The following DLGAP4 variants were observed in gnomAD, a reference collection of about 807,000 sequenced individuals.
DLGAP4 encodes the protein disks large-associated protein 4.
A neutral mutation model predicts 86.9 loss-of-function variants in DLGAP4; 18 were observed. That is an observed-to-expected ratio of 0.21 (90% CI 0.14 to 0.31). The LOEUF is 0.31. Ranked by LOEUF, DLGAP4 falls within the 10% of genes least tolerant of loss-of-function variation. The pLI, the probability that DLGAP4 is intolerant of heterozygous loss-of-function variation, is 1.00. For synonymous variants in DLGAP4, 548 were observed against 574.3 expected (o/e 0.95, Z 0.65); for missense variants, 1,085 against 1,362.6 (o/e 0.80, Z 3.21).
At chr20:36,435,551 C>T (rs986685946) in intron 3 of DLGAP4, among the ~76,000 whole-genome samples, 1 of 152,220 alleles carries the variant, frequency 6.6e-6, no homozygotes, top group Non-Finnish European at 1.5e-5. Flanking sequence ...CATGTGGCTA[C>T]CTGACCCGGG....
chr20:36,441,577 G>C (rs1219787508), intron 5 of DLGAP4, among the ~76,000 whole-genome samples: 3 of 152,216 alleles, frequency 2.0e-5, no homozygotes, highest in African/African-American at 7.2e-5. Context: ...AGGCCTTGCT[G>C]TCTTGTTCCC....
At chr20:36,499,276 A>G in intron 8 of DLGAP4, 1 of 1,612,754 alleles carries the variant, frequency 6.2e-7, no homozygotes, top group Non-Finnish European at 8.5e-7. Context: ...CACCTCTCGG[A>G]GGACAACGGA....
chr20:36,399,353 C>A (rs1291185522), intron 2 of DLGAP4, among the ~76,000 whole-genome samples: 1 of 152,228 alleles, frequency 6.6e-6, no homozygotes, highest in Admixed American at 6.5e-5. Flanking sequence ...ACCCGAAGAG[C>A]CTTGGTTTCC....
At chr20:36,379,823 G>T (rs1012099938) in intron 2 of DLGAP4, among the ~76,000 whole-genome samples, 3 of 152,174 alleles carry the variant, frequency 2.0e-5, no homozygotes, top group African/African-American at 4.8e-5. Flanking sequence ...AGTTGAAATT[G>T]CATTTAGCTG....
intron 10 of DLGAP4, among the ~76,000 whole-genome samples, chr20:36,501,849 G>C (rs561278468): frequency 1.3e-5 from 2 of 152,300 alleles, no homozygotes; most frequent in East Asian, 3.9e-4. Flanking sequence ...CAGGGGAACT[G>C]TTGTGAGGAA....
chr20:36,518,591 T>G (rs1373919723), intron 10 of DLGAP4, among the ~76,000 whole-genome samples: 1 of 152,184 alleles, frequency 6.6e-6, no homozygotes, highest in Non-Finnish European at 1.5e-5. Flanking sequence ...CTTTGACGAC[T>G]GGGTTATTTA....
Position 36,521,380 on chromosome 20 carries a change from G to A in DLGAP4, c.2513-2870G>A, listed in dbSNP as rs139228939. On this transcript the variant is annotated intron_variant, in intron 10 of 12. Coordinates refer to ENST00000339266, the MANE Select transcript of DLGAP4 (RefSeq NM_001365621.2). ...AGTAGTTTTTCTTTTTTATTACTTA[G>A]TCCCTACTTCTGTTTCTAAAAAGAT... 7.2e-3 allele frequency among the ~76,000 whole-genome samples: 1,088 copies of A among 151,816 alleles called. 4 individuals carry two copies. Among genetic ancestry groups the A allele is most frequent in the Non-Finnish European group, 0.012 (798 of 67,966 alleles).
chr20:36,317,736 G>A (rs1416996013), intron 1 of DLGAP4, among the ~76,000 whole-genome samples: 4 of 151,726 alleles, frequency 2.6e-5, no homozygotes, highest in Non-Finnish European at 5.9e-5. Flanking sequence ...TTTTGTGGGC[G>A]TGAGCCACCG....
intron 1 of DLGAP4, among the ~76,000 whole-genome samples, chr20:36,309,003 C>G (rs1436993814): frequency 6.6e-6 from 1 of 151,976 alleles, no homozygotes; most frequent in African/African-American, 2.4e-5. Context: ...CTCCCCACCC[C>G]CTCCCTCTTT....
rs141834594 is a variant in DLGAP4 at position 36,327,516 on chromosome 20, C to G, written c.-304+21004C>G. Among the ~76,000 whole-genome samples, 617 of 152,206 alleles carry G rather than the reference C, an allele frequency of 4.1e-3. 4 individuals carry two copies. The highest frequency in any genetic ancestry group is 7.0e-3 in the Non-Finnish European group (476 of 68,006). ...GCCACTCTTGACTCAGTTTCTCTAT[C>G]CATCTGCTAGGCCGAGGGATACCTG... On this transcript the variant is annotated intron_variant, in intron 1 of 12. Coordinates refer to ENST00000339266, the MANE Select transcript of DLGAP4 (RefSeq NM_001365621.2).
chr20:36,525,253 A>AAAAAAAAAAAC, intron 11 of DLGAP4, among the ~76,000 whole-genome samples: 1 of 59,546 alleles, frequency 1.7e-5, no homozygotes, highest in Admixed American at 2.0e-4. Flanking sequence ...AAAAAAAAAA[A>AAAAAAAAAAAC]ACAAAGAAAT....
At chr20:36,427,253 C>T (rs1216243894) in intron 2 of DLGAP4, among the ~76,000 whole-genome samples, 3 of 151,988 alleles carry the variant, frequency 2.0e-5, no homozygotes, top group Admixed American at 1.3e-4. Flanking sequence ...CCGAGGCAGG[C>T]GGATCATGAA....
At chr20:36,514,204 A>G (rs2036902133) in intron 10 of DLGAP4, among the ~76,000 whole-genome samples, 1 of 152,210 alleles carries the variant, frequency 6.6e-6, no homozygotes, top group African/African-American at 2.4e-5. Flanking sequence ...TCACCAAGCC[A>G]GATCTAGAAA....
At chr20:36,525,461 G>A (rs1235811963) in intron 11 of DLGAP4, 5 of 288,054 alleles carry the variant, frequency 1.7e-5, no homozygotes, top group Non-Finnish European at 2.7e-5. Flanking sequence ...GGAACAGAGT[G>A]ACACGAGGGA....
At chr20:36,317,979 C>T (rs1457156908) in intron 1 of DLGAP4, among the ~76,000 whole-genome samples, 3 of 151,906 alleles carry the variant, frequency 2.0e-5, no homozygotes, top group Admixed American at 1.3e-4. Context: ...CCTCTGAAGC[C>T]GGCCCTGGTT....
At chr20:36,456,561 C>T (rs2033884495) in intron 7 of DLGAP4, among the ~76,000 whole-genome samples, 2 of 152,214 alleles carry the variant, frequency 1.3e-5, no homozygotes, top group Admixed American at 6.5e-5. Context: ...AACCACAATT[C>T]CCTACTGCTG....
At chr20:36,490,922 C>T (rs1725208104) in intron 7 of DLGAP4, among the ~76,000 whole-genome samples, 3 of 151,688 alleles carry the variant, frequency 2.0e-5, no homozygotes, top group South Asian at 2.1e-4. Context: ...AGGCCGGGCA[C>T]GGTGGCTCAC....
At chr20:36,413,451 T>C (rs2032563082) in intron 2 of DLGAP4, among the ~76,000 whole-genome samples, 1 of 118,654 alleles carries the variant, frequency 8.4e-6, no homozygotes, top group South Asian at 2.9e-4. Context: ...GGAGTCTCAC[T>C]CTGTCGCCCA....
intron 2 of DLGAP4, among the ~76,000 whole-genome samples, chr20:36,404,302 C>T (rs2032248168): frequency 6.6e-6 from 1 of 152,128 alleles, no homozygotes; most frequent in Non-Finnish European, 1.5e-5. Context: ...TGTGTCAGGC[C>T]AGCTGCAGAG....
Sources: allele counts gnomAD v4.1 joint callset (sites outside exome capture counted in the v4.1 genomes callset), GRCh38; gene constraint gnomAD v4.1.1; transcripts MANE v1.5; gene names NCBI Gene and HGNC (gene_info 2026-07-23, HGNC 2026-07-21).